Variants in INPP4A observed in about 807,000 individuals in gnomAD.
The protein encoded by INPP4A is inositol polyphosphate-4-phosphatase type I A.
Under a neutral mutation model 119.8 loss-of-function variants are expected in INPP4A, and 33 were observed. That is an observed-to-expected ratio of 0.28 (90% CI 0.21 to 0.37). The LOEUF (loss-of-function observed/expected upper bound fraction) is 0.37, where lower values mean the gene tolerates loss of function less well. Ranked by LOEUF, INPP4A falls within the 10% of genes least tolerant of loss-of-function variation. The pLI is 1.00. For synonymous variants in INPP4A, 496 were observed against 500.7 expected (o/e 0.99, Z 0.12); for missense variants, 956 against 1,289.9 (o/e 0.74, Z 3.97).
At chr2:98,519,803 T>C (rs2278212) in intron 2 of INPP4A, 143 bp from the exon 3 acceptor site, 134,412 of 496,236 alleles carry the variant, frequency 0.27, 18,712 homozygotes, top group Middle Eastern at 0.33. Context: ...CAGGGAGCAG[T>C]GGACAGTCCA....
At chr2:98,481,929 T>C (rs528633786) in intron 1 of INPP4A, among the ~76,000 whole-genome samples, 6 of 152,336 alleles carry the variant, frequency 3.9e-5, no homozygotes, top group African/African-American at 1.4e-4. Context: ...GAGTTTGCCA[T>C]GTTGGAGTTG....
At chr2:98,448,824 C>T (rs994829265) in intron 1 of INPP4A, among the ~76,000 whole-genome samples, 3 of 151,920 alleles carry the variant, frequency 2.0e-5, no homozygotes, top group Non-Finnish European at 2.9e-5. Context: ...CTGCTTTAGC[C>T]TCCTGAGTAG....
chr2:98,562,919 G>C (rs1223698417), intron 17 of INPP4A, among the ~76,000 whole-genome samples: 2 of 152,204 alleles, frequency 1.3e-5, no homozygotes, highest in African/African-American at 4.8e-5. Context: ...CTTGGGAGCT[G>C]TGGGGAATAG....
chr2:98,523,772 T>C (rs1687683774), intron 4 of INPP4A, among the ~76,000 whole-genome samples: 1 of 152,222 alleles, frequency 6.6e-6, no homozygotes, highest in Non-Finnish European at 1.5e-5. Flanking sequence ...AATAAAACTT[T>C]AAATTTTTAA....
chr2:98,482,001 T>G (rs1678571767), intron 1 of INPP4A, among the ~76,000 whole-genome samples: 1 of 152,212 alleles, frequency 6.6e-6, no homozygotes, highest in Non-Finnish European at 1.5e-5. Flanking sequence ...AAGCTCCAAG[T>G]TTAGGCTCAC....
chr2:98,510,485 G>A (rs1684912451), intron 1 of INPP4A, among the ~76,000 whole-genome samples: 1 of 152,208 alleles, frequency 6.6e-6, no homozygotes, highest in Non-Finnish European at 1.5e-5. Flanking sequence ...CAGCAGAAAT[G>A]TACTTCTTAG....
intron 13 of INPP4A, among the ~76,000 whole-genome samples, chr2:98,549,729 G>A (rs1376016963): frequency 1.3e-5 from 2 of 152,124 alleles, no homozygotes; most frequent in Non-Finnish European, 2.9e-5. Flanking sequence ...GCATCTGACA[G>A]GAGGAAGCAC....
At chr2:98,530,700 A>G (rs1689054767) in intron 4 of INPP4A, among the ~76,000 whole-genome samples, 1 of 152,236 alleles carries the variant, frequency 6.6e-6, no homozygotes, top group Non-Finnish European at 1.5e-5. Context: ...GCATAAAATC[A>G]TGAATTCTCA....
intron 1 of INPP4A, among the ~76,000 whole-genome samples, chr2:98,497,952 A>G (rs1421249636): frequency 6.6e-6 from 1 of 152,224 alleles, no homozygotes; most frequent in East Asian, 1.9e-4. Flanking sequence ...CATTGTATCT[A>G]GAAAGTAACT....
chr2:98,554,405 A>G lies in INPP4A; in HGVS notation c.1482A>G (p.Arg494=). Reference sequence around the variant, plus strand: ...CTGAGGAGGAGCAGGTGATGCTTAGAAATGACCAGGACACCCTCATGGCCC... The same window carrying G: ...CTGAGGAGGAGCAGGTGATGCTTAGGAATGACCAGGACACCCTCATGGCCC... ...TSTEEEQVML[R]NDQDTLMARW... Residue 494 remains arginine (R), a synonymous_variant, in exon 15 of 25, where the codon AGA becomes AGG. Coordinates refer to ENST00000409851, the MANE Select transcript of INPP4A (RefSeq NM_001134225.2). This position sits in a 1 kb window ranked among gnomAD's most constrained non-coding sequence, Gnocchi z 4.7. 1 of 1,613,906 alleles carries G rather than the reference A, an allele frequency of 6.2e-7. No individual in the cohort carries two copies.
At chr2:98,519,305 G>A (rs968664053) in intron 2 of INPP4A, 2 of 152,244 alleles carry the variant, frequency 1.3e-5, no homozygotes, top group African/African-American at 4.8e-5. Context: ...CTGGAGCTCT[G>A]AGCCATGTGA....
Position 98,512,343 on chromosome 2 carries a change from C to T in INPP4A, c.-165-6621C>T, listed in dbSNP as rs565536619. Among the ~76,000 whole-genome samples, 16 of 152,346 alleles carry T rather than the reference C, an allele frequency of 1.1e-4. No individual in the cohort carries two copies. The South Asian group carries it at 3.3e-3, about 32-fold the overall frequency. Reference sequence around the variant, plus strand: ...AAGTGGGTGGATTCCTGAGGCCCCACTCTGGGCCTCACAGGTTGATCCAAG... The same window carrying T: ...AAGTGGGTGGATTCCTGAGGCCCCATTCTGGGCCTCACAGGTTGATCCAAG... On this transcript the variant is annotated intron_variant, in intron 1 of 24. Coordinates refer to ENST00000409851, the MANE Select transcript of INPP4A (RefSeq NM_001134225.2).
intron 17 of INPP4A, among the ~76,000 whole-genome samples, chr2:98,560,315 T>C (rs1695234464): frequency 1.3e-5 from 2 of 152,200 alleles, no homozygotes; most frequent in Admixed American, 6.5e-5. Context: ...GGATACTTTG[T>C]TGATGTCTAG....
intron 1 of INPP4A, among the ~76,000 whole-genome samples, chr2:98,494,049 T>C (rs1256857250): frequency 6.6e-6 from 1 of 152,250 alleles, no homozygotes; most frequent in Admixed American, 6.5e-5. Flanking sequence ...TCAGTAAGAA[T>C]AGCAGATGTC....
At chr2:98,553,647 C>T (rs1363206331) in intron 14 of INPP4A, among the ~76,000 whole-genome samples, 2 of 152,116 alleles carry the variant, frequency 1.3e-5, no homozygotes, top group African/African-American at 2.4e-5. Context: ...AGCTGCTGTT[C>T]CTGATCAGAA....
intron 1 of INPP4A, among the ~76,000 whole-genome samples, chr2:98,516,939 G>GT (rs1237559523): frequency 2.0e-5 from 3 of 152,068 alleles, no homozygotes; most frequent in African/African-American, 4.8e-5. Context: ...CAGAACTCAC[G>GT]TAAGTTTTTT....
rs553659428 is a variant in INPP4A, at chr2:98,552,617, G to A, written c.1164-169G>A. 1.6e-4 allele frequency: 122 copies of A among 742,500 alleles called. 1 individual carries two copies. Among genetic ancestry groups the A allele is most frequent in the Middle Eastern group, 6.8e-4 (3 of 4,394 alleles). The allele number at this position is 742,500 out of a possible 1,614,324, so 46.0% of individuals were successfully genotyped here. On this transcript the variant is annotated intron_variant, in intron 13 of 24. Transcript: ENST00000409851. ...CAAGCTCCTGCCATATAGACAGGAA[G>A]AATCTCCTAAGATATACTTTGCTCA...
At chr2:98,573,352 A>G (rs1365855806) in intron 23 of INPP4A, among the ~76,000 whole-genome samples, 2 of 151,926 alleles carry the variant, frequency 1.3e-5, no homozygotes, top group East Asian at 3.9e-4. Flanking sequence ...CCCTGCTCAT[A>G]TTTTCTCCAA....
At position 98,533,487 on chromosome 2, in the gene INPP4A, A is replaced by G. The variant is rs1333326913; in HGVS notation, c.262A>G (p.Ile88Val). The change falls in exon 5 of 25, where the codon ATC becomes GTC. Residue 88 changes from isoleucine (I) to valine (V), a missense_variant. By Grantham distance (29) the Ile-to-Val change is conservative. This residue lies in a region of INPP4A where 652 missense variants were observed against 797.9 expected (regional missense o/e 0.82). Coordinates refer to ENST00000409851, the MANE Select transcript of INPP4A (RefSeq NM_001134225.2). ...CTGGACGAAGCATGCACAGACGGAG[A>G]TCATTGAGGTGGGTGCTGGTGGTCT... The part of the protein sequence containing the change: ...AFWTKHAQTE[I>V]IEGTNNPIFL... 1 of 1,603,124 alleles carries G rather than the reference A, an allele frequency of 6.2e-7. No homozygotes were observed. Among genetic ancestry groups the G allele is most frequent in the South Asian group, 1.1e-5 (1 of 90,848 alleles).
Sources: allele counts gnomAD v4.1 joint callset (sites outside exome capture counted in the v4.1 genomes callset), GRCh38; gene constraint gnomAD v4.1.1; regional missense constraint gnomAD v4.1.1; non-coding constraint Gnocchi (gnomAD v3.1); transcripts MANE v1.5; gene names NCBI Gene and HGNC (gene_info 2026-07-23, HGNC 2026-07-21).